The following EXD1 variants were observed in gnomAD, a reference collection of about 807,000 sequenced individuals.
The protein encoded by EXD1 is exonuclease 3'-5' domain containing 1.
Under a neutral mutation model 49.1 loss-of-function variants are expected in EXD1, and 63 were observed. The observed-to-expected ratio is 1.28, with a 90% CI of 1.05 to 1.58. The LOEUF (loss-of-function observed/expected upper bound fraction) is 1.58. Among genes scored for constraint, EXD1 ranks in the 40% most tolerant of loss-of-function variants. The probability of loss-of-function intolerance (pLI) is 0.00; values close to 1 mark genes in which losing one functional copy is unlikely to be tolerated. For missense variants in EXD1, 748 were observed against 666.0 expected (o/e 1.12, Z -1.36); for synonymous variants, 234 against 239.2 (o/e 0.98, Z 0.20).
At chr15:41,204,411 C>A (rs1232404317) in intron 7 of EXD1, among the ~76,000 whole-genome samples, 2 of 151,724 alleles carry the variant, frequency 1.3e-5, no homozygotes, top group Non-Finnish European at 2.9e-5. Context: ...ATTAGCCGGG[C>A]ATGGTGGTGG....
intron 6 of EXD1, among the ~76,000 whole-genome samples, chr15:41,215,445 G>C (rs1047836874): frequency 1.3e-5 from 2 of 152,058 alleles, no homozygotes; most frequent in African/African-American, 4.8e-5. Context: ...CCAGCACTTT[G>C]GGAGGCCGAG....
intron 9 of EXD1, 39 bp downstream of exon 9, chr15:41,195,734 CTG>C: frequency 6.6e-7 from 1 of 1,510,438 alleles, no homozygotes; most frequent in Non-Finnish European, 9.0e-7. Context: ...TCTACAGGAG[CTG>C]TATATACTGG....
Position 41,184,339 on chromosome 15 carries a change from T to G in EXD1, c.1311A>C (p.Leu437Phe). 2 of 1,614,210 alleles carry G rather than the reference T, an allele frequency of 1.2e-6. No individual in the cohort carries two copies. Among genetic ancestry groups the G allele is most frequent in the Non-Finnish European group, 1.7e-6 (2 of 1,180,042 alleles). The change falls in exon 12 of 12, where the codon TTA becomes TTC. Residue 437 changes from leucine to phenylalanine, a missense_variant. Physicochemically the swap from Leu to Phe is conservative, Grantham distance 22. Coordinates refer to ENST00000458580, the MANE Select transcript of EXD1 (RefSeq NM_001286441.2). Reference sequence around the variant, plus strand: ...GTTTATTCAAAGATTCTTCTTTCAGTAAATTCACATCCCCGTGAAAGTCTT... The same window carrying G: ...GTTTATTCAAAGATTCTTCTTTCAGGAAATTCACATCCCCGTGAAAGTCTT... ...TSQDFHGDVNLLKEESLNKQA... is the reference protein window; with the variant it reads ...TSQDFHGDVNFLKEESLNKQA...
At chr15:41,202,825 C>T (rs74382535) in intron 7 of EXD1, among the ~76,000 whole-genome samples, 14,776 of 150,156 alleles carry the variant, frequency 0.098, 820 homozygotes, top group South Asian at 0.23. Context: ...GGCTGAGGCG[C>T]GAGAATCGCT....
At chr15:41,203,198 C>A (rs2046761254) in intron 7 of EXD1, among the ~76,000 whole-genome samples, 1 of 152,048 alleles carries the variant, frequency 6.6e-6, no homozygotes, top group Admixed American at 6.6e-5. Context: ...AAGTGAGGAG[C>A]TGGAAACAGG....
intron 7 of EXD1, 107 bp from the exon 8 acceptor site, chr15:41,196,144 CTTTA>C (rs901560762): frequency 1.4e-4 from 109 of 779,946 alleles, no homozygotes; most frequent in Middle Eastern, 2.7e-4. Flanking sequence ...AACATCTTCA[CTTTA>C]TTTATTTATT....
intron 6 of EXD1, among the ~76,000 whole-genome samples, chr15:41,213,501 T>TTTTTGTTTTGTTTTGTTATGTTTTG (rs1555416493): frequency 1.3e-3 from 203 of 150,456 alleles, no homozygotes; most frequent in African/African-American, 4.8e-3. Flanking sequence ...GTCCAGCCAG[T>TTTTTGTTTTGTTTTGTTATGTTTTG]TTTTGTTTTG....
chr15:41,229,523 C>T (rs1245098202), intron 1 of EXD1, among the ~76,000 whole-genome samples: 2 of 152,156 alleles, frequency 1.3e-5, no homozygotes, highest in South Asian at 2.1e-4. Context: ...AATCACAGCA[C>T]TTTGGGAGGC....
chr15:41,209,633 T>C (rs1011683518), intron 6 of EXD1, 46 bp from the exon 7 acceptor site: 8 of 1,537,180 alleles, frequency 5.2e-6, no homozygotes, highest in Middle Eastern at 1.7e-4. Context: ...GGAATAAATG[T>C]TGGCATGATA....
intron 11 of EXD1, among the ~76,000 whole-genome samples, chr15:41,189,174 C>T (rs1228426487): frequency 6.6e-6 from 1 of 151,966 alleles, no homozygotes; most frequent in East Asian, 1.9e-4. Context: ...TCAAGACCAG[C>T]CTGGCCAACA....
intron 3 of EXD1, chr15:41,219,454 G>A (rs1251339796): frequency 3.8e-5 from 7 of 185,136 alleles, no homozygotes; most frequent in South Asian, 1.3e-4. Flanking sequence ...TATATACTCC[G>A]TTACCTTTTC....
intron 7 of EXD1, among the ~76,000 whole-genome samples, chr15:41,199,753 A>AATATATCCTATATG (rs1326775145): frequency 3.1e-5 from 3 of 96,888 alleles, no homozygotes; most frequent in Non-Finnish European, 3.8e-5. Flanking sequence ...TATATTATAT[A>AATATATCCTATATG]TGATACATAT....
chr15:41,216,422 G>A (rs1052960497), intron 5 of EXD1, among the ~76,000 whole-genome samples: 3 of 151,878 alleles, frequency 2.0e-5, no homozygotes, highest in Non-Finnish European at 4.4e-5. Flanking sequence ...ACCTGAGGTC[G>A]GGAGTTCGAG....
intron 1 of EXD1, among the ~76,000 whole-genome samples, 196 bp from the exon 2 acceptor site, chr15:41,226,824 T>C (rs2047171220): frequency 1.3e-5 from 2 of 152,168 alleles, no homozygotes; most frequent in South Asian, 4.1e-4. Flanking sequence ...TATAAGAAAT[T>C]GGGCAAGTTA....
intron 7 of EXD1, among the ~76,000 whole-genome samples, 167 bp downstream of exon 7, chr15:41,209,334 A>G (rs763138312): frequency 1.6e-4 from 24 of 152,124 alleles, no homozygotes; most frequent in Admixed American, 7.2e-4. Context: ...GATAGACAGC[A>G]TGAGCCCAGG....
At chr15:41,208,172 GA>G (rs2046863486) in intron 7 of EXD1, among the ~76,000 whole-genome samples, 1 of 151,696 alleles carries the variant, frequency 6.6e-6, no homozygotes. Flanking sequence ...TGTTTTGGTA[GA>G]TGGAAGTTTA....
chr15:41,226,339 C>G, intron 2 of EXD1, 104 bp downstream of exon 2: 2 of 1,109,318 alleles, frequency 1.8e-6, no homozygotes, highest in Non-Finnish European at 2.6e-6. Flanking sequence ...CCACACTTTA[C>G]CTAAAATAGG....
At chr15:41,220,507 C>A (rs185989227) in intron 2 of EXD1, among the ~76,000 whole-genome samples, 6 of 152,268 alleles carry the variant, frequency 3.9e-5, no homozygotes, top group South Asian at 2.1e-4. Flanking sequence ...ATCCGCTTGC[C>A]TCAGCCTCCC....
intron 3 of EXD1, 47 bp downstream of exon 3, chr15:41,219,783 G>T: frequency 7.2e-7 from 1 of 1,395,484 alleles, no homozygotes; most frequent in Non-Finnish European, 9.8e-7. Context: ...TCAAATATTG[G>T]AATGAAATCT....
Sources: allele counts gnomAD v4.1 joint callset (sites outside exome capture counted in the v4.1 genomes callset), GRCh38; gene constraint gnomAD v4.1.1; transcripts MANE v1.5; gene names NCBI Gene and HGNC (gene_info 2026-07-23, HGNC 2026-07-21).